PPM1H: variants seen among roughly 807,000 people sequenced by gnomAD.
PPM1H encodes protein phosphatase, Mg2+/Mn2+ dependent 1H, also known as protein phosphatase 1H.
A neutral mutation model predicts 54.9 loss-of-function variants in PPM1H; 27 were observed. That is an observed-to-expected ratio of 0.49 (90% CI 0.36 to 0.68). The LOEUF is 0.68. Among genes scored for constraint, PPM1H ranks in the 30% least tolerant of loss-of-function variants. PPM1H has a pLI of 0.00. For missense variants in PPM1H, 596 were observed against 667.8 expected, an observed-to-expected ratio of 0.89 and a Z score of 1.19; for synonymous variants, 305 against 270.8, an observed-to-expected ratio of 1.13 and a Z score of -1.24.
chr12:62,737,523 C>T lies in PPM1H; in HGVS notation c.933G>A (p.Glu311=), dbSNP rs944486068. ...PMSSEFTPET[E]RQRLQYLAFM... ...TTACCAGGTACTGAAGTCGCTGGCGCTCCGTCTCGGGGGTAAATTCTGAAG... is the reference window on the plus strand; with the variant it reads ...TTACCAGGTACTGAAGTCGCTGGCGTTCCGTCTCGGGGGTAAATTCTGAAG... The change falls in exon 5 of 10, where the codon GAG becomes GAA. Residue 311 remains glutamate (E), a synonymous_variant. Coordinates refer to ENST00000228705, the MANE Select transcript of PPM1H (RefSeq NM_020700.2). 1.9e-6 allele frequency: 3 copies of T among 1,583,848 alleles called. No individual in the cohort carries two copies. The highest frequency in any genetic ancestry group is 1.7e-4 in the Middle Eastern group (1 of 6,010).
intron 4 of PPM1H, among the ~76,000 whole-genome samples, chr12:62,767,969 C>T (rs1173353634): frequency 6.6e-6 from 1 of 152,198 alleles, no homozygotes; most frequent in Non-Finnish European, 1.5e-5. Flanking sequence ...GTCTGCCCTA[C>T]TCCAGTTTGG....
chr12:62,792,891 C>T (rs1311438062), intron 3 of PPM1H, among the ~76,000 whole-genome samples: 1 of 152,160 alleles, frequency 6.6e-6, no homozygotes, highest in African/African-American at 2.4e-5. Context: ...AATAAAGATA[C>T]ATTTACCATT....
intron 6 of PPM1H, among the ~76,000 whole-genome samples, chr12:62,702,760 G>A (rs1489026249): frequency 3.3e-5 from 5 of 152,202 alleles, no homozygotes. Flanking sequence ...ACACCAGTGA[G>A]TCACATTCTT....
intron 9 of PPM1H, among the ~76,000 whole-genome samples, chr12:62,650,833 T>C (rs237828): frequency 1 from 152,085 of 152,226 alleles, 75,972 homozygotes; most frequent in Middle Eastern, 1. Flanking sequence ...ATGATCTAAT[T>C]GCCTCCCACC....
chr12:62,800,768 A>T (rs895958967), intron 3 of PPM1H, among the ~76,000 whole-genome samples: 1 of 152,232 alleles, frequency 6.6e-6, no homozygotes, highest in Non-Finnish European at 1.5e-5. Flanking sequence ...TAAAACCAAA[A>T]TAATTGGCTT....
rs1474409841 is a variant in PPM1H, at chr12:62,702,666, C to CG, written c.1074-8668dup. ...GGAACGAGAGGAACGTGATCCCCTCCGGGGGGTATAACAGGGGACCCTATT... is the reference window on the plus strand; with the variant it reads ...GGAACGAGAGGAACGTGATCCCCTCCGGGGGGGTATAACAGGGGACCCTATT... On this transcript the variant is annotated intron_variant, in intron 6 of 9. Transcript: ENST00000228705. Among the ~76,000 whole-genome samples the CG allele has an allele frequency of 3.3e-5, 5 of 152,192 alleles. No individual in the cohort carries two copies. The East Asian group carries it at 9.7e-4, about 29-fold the overall frequency.
rs1014824449 is a variant in PPM1H, at chr12:62,844,470, G to A, written c.246-12191C>T. ...CATGCTACATGATTCAGGCTACGTAGCCACATTCCCCTCAAGGCTCAAGAT... is the reference window on the plus strand; with the variant it reads ...CATGCTACATGATTCAGGCTACGTAACCACATTCCCCTCAAGGCTCAAGAT... On this transcript the variant is annotated intron_variant, in intron 1 of 9. Transcript: ENST00000228705. This position sits in a 1 kb window ranked among gnomAD's most constrained non-coding sequence, Gnocchi z 5.2. Among the ~76,000 whole-genome samples, 1 of 152,172 alleles carries A rather than the reference G, an allele frequency of 6.6e-6. No homozygotes were observed. The highest frequency in any genetic ancestry group is 1.5e-5 in the Non-Finnish European group (1 of 68,030).
At chr12:62,666,959 G>A (rs569340872) in intron 9 of PPM1H, among the ~76,000 whole-genome samples, 92 of 152,208 alleles carry the variant, frequency 6.0e-4, no homozygotes, top group African/African-American at 1.3e-3. Flanking sequence ...TGATTCACCC[G>A]CCTTGGCCCC....
intron 2 of PPM1H, among the ~76,000 whole-genome samples, chr12:62,808,638 C>G (rs1156552957): frequency 2.0e-5 from 3 of 152,078 alleles, no homozygotes; most frequent in Admixed American, 1.3e-4. Flanking sequence ...ACAGAACTTG[C>G]AGCTCATCAC....
At chr12:62,742,182 C>T (rs1039003008) in intron 4 of PPM1H, among the ~76,000 whole-genome samples, 10 of 152,172 alleles carry the variant, frequency 6.6e-5, no homozygotes, top group Non-Finnish European at 1.3e-4. Context: ...AATATGACTG[C>T]CAGGGCAAGC....
At position 62,668,462 on chromosome 12, in the gene PPM1H, G is replaced by A. The variant is rs143126004; in HGVS notation, c.1246-1133C>T. ...GTGATCTCAGCTCACTGCAACCTTCGCCTCCAGGGTTCAAGCGATTCTCCC... is the reference window on the plus strand; with the variant it reads ...GTGATCTCAGCTCACTGCAACCTTCACCTCCAGGGTTCAAGCGATTCTCCC... On this transcript the variant is annotated intron_variant, in intron 8 of 9. Transcript: ENST00000228705. 5.2e-3 allele frequency among the ~76,000 whole-genome samples: 788 copies of A among 152,240 alleles called. 5 individuals carry two copies. The highest frequency in any genetic ancestry group is 0.017 in the Middle Eastern group (5 of 294).
chr12:62,679,894 ATTAC>A (rs2136626604), intron 8 of PPM1H, among the ~76,000 whole-genome samples: 1 of 152,306 alleles, frequency 6.6e-6, no homozygotes, highest in African/African-American at 2.4e-5. Context: ...ATCAACTTAT[ATTAC>A]TTAGTCCTGG....
chr12:62,860,712 C>T (rs1869567848), intron 1 of PPM1H, among the ~76,000 whole-genome samples: 1 of 152,164 alleles, frequency 6.6e-6, no homozygotes, highest in South Asian at 2.1e-4. Context: ...CTCCTCCTTC[C>T]AAGCGTAAAG....
chr12:62,773,989 G>A (rs957481582), intron 4 of PPM1H, among the ~76,000 whole-genome samples: 5 of 152,176 alleles, frequency 3.3e-5, no homozygotes, highest in African/African-American at 9.7e-5. Flanking sequence ...TAGCCTGCAG[G>A]AGTCCAGGAA....
At chr12:62,865,519 T>G (rs535052880) in intron 1 of PPM1H, among the ~76,000 whole-genome samples, 4 of 152,332 alleles carry the variant, frequency 2.6e-5, no homozygotes, top group African/African-American at 9.6e-5. Flanking sequence ...TGGATCATTT[T>G]TTCTGGCCCT....
intron 2 of PPM1H, among the ~76,000 whole-genome samples, chr12:62,815,070 A>T (rs2076857669): frequency 6.6e-6 from 1 of 152,204 alleles, no homozygotes; most frequent in South Asian, 2.1e-4. Context: ...GCCAATGAGG[A>T]GGTAGAGATG....
At chr12:62,909,382 C>T (rs1871390527) in intron 1 of PPM1H, among the ~76,000 whole-genome samples, 1 of 152,204 alleles carries the variant, frequency 6.6e-6, no homozygotes, top group African/African-American at 2.4e-5. Flanking sequence ...TCCATCTCAG[C>T]AGCCACTGGC....
intron 1 of PPM1H, among the ~76,000 whole-genome samples, chr12:62,880,870 T>C (rs966057792): frequency 1.3e-5 from 2 of 152,092 alleles, no homozygotes; most frequent in Non-Finnish European, 2.9e-5. Flanking sequence ...CTAACTACCA[T>C]GCATATGTTG....
intron 4 of PPM1H, among the ~76,000 whole-genome samples, chr12:62,748,084 A>T (rs2076422384): frequency 6.6e-6 from 1 of 152,162 alleles, no homozygotes; most frequent in Non-Finnish European, 1.5e-5. Flanking sequence ...AGGTATTAAA[A>T]GTCCTCCAAG....
Sources: gnomAD v4.1 joint callset for allele counts (sites outside exome capture counted in the v4.1 genomes callset) on GRCh38, gnomAD v4.1.1 for gene constraint, Gnocchi (gnomAD v3.1) non-coding constraint, MANE v1.5 for transcripts, NCBI Gene and HGNC (gene_info 2026-07-23, HGNC 2026-07-21) for gene names.